The following CDH19 variants were observed in gnomAD, a reference collection of about 807,000 sequenced individuals.
The protein encoded by CDH19 is cadherin-19.
In CDH19, 67 loss-of-function variants were observed where a neutral mutation model predicts 64.2. The ratio of observed to expected loss-of-function variants is 1.04; its 90% confidence interval spans 0.86 to 1.28. The LOEUF (loss-of-function observed/expected upper bound fraction) is 1.28. Among genes scored for constraint, CDH19 ranks in the 50% most tolerant of loss-of-function variants. The pLI, the probability that CDH19 is intolerant of heterozygous loss-of-function variation, is 0.00. For synonymous variants in CDH19, 346 were observed against 319.3 expected, an observed-to-expected ratio of 1.08 and a Z score of -0.89; for missense variants, 1,030 against 929.0, an observed-to-expected ratio of 1.11 and a Z score of -1.41.
chr18:66,551,028 A>C, intron 5 of CDH19, 66 bp downstream of exon 5: 1 of 844,940 alleles, frequency 1.2e-6, no homozygotes, highest in Non-Finnish European at 1.8e-6. Context: ...AAAACTATAT[A>C]ATCTACTTAT....
chr18:66,563,108 A>G (rs2144552986), intron 3 of CDH19, among the ~76,000 whole-genome samples: 1 of 152,200 alleles, frequency 6.6e-6, no homozygotes, highest in Non-Finnish European at 1.5e-5. Flanking sequence ...AAATCATAAA[A>G]AGTGAAAAAT....
rs773390525 is a variant in CDH19 at position 66,551,082 on chromosome 18, C to A, written c.775+12G>T. The A allele has an allele frequency of 2.8e-6, 4 of 1,430,964 alleles. No homozygotes were observed. The Admixed American group carries it at 5.3e-5, about 19-fold the overall frequency. 88.6% of individuals were successfully genotyped at this position (1,430,964 alleles called of 1,614,324 possible). ...TATAATGTAATGAAGATGTAGAATC[C>A]TTTTTACTTACTTTCTTTAAATATA... is the stretch of plus-strand genomic sequence containing the variant. On this transcript the variant is annotated intron_variant, in intron 5 of 11. Coordinates refer to ENST00000262150, the MANE Select transcript of CDH19 (RefSeq NM_021153.4).
Position 66,553,150 on chromosome 18 carries a change from C to T in CDH19, c.610+1255G>A. ...TGGAATGTATGTGTGTATTACTATT[C>T]ATGTTTAATATCTATCTGTAAGTTC... On this transcript the variant is annotated intron_variant, in intron 4 of 11. Transcript: ENST00000262150. Among the ~76,000 whole-genome samples the T allele has an allele frequency of 1.5e-5, 2 of 134,350 alleles. 1 individual carries two copies. Among genetic ancestry groups the T allele is most frequent in the Non-Finnish European group, 3.0e-5 (2 of 65,714 alleles). The allele number at this position is 134,350 out of a possible 152,430, so 88.1% of individuals were successfully genotyped here.
rs555354347 is a variant in CDH19 at position 66,589,269 on chromosome 18, C to T, written c.-113+14685G>A. 1.9e-3 allele frequency among the ~76,000 whole-genome samples: 286 copies of T among 149,088 alleles called. 3 individuals carry two copies. The highest frequency in any genetic ancestry group is 5.8e-3 in the African/African-American group (237 of 40,926). On this transcript the variant is annotated intron_variant, in intron 1 of 11. Coordinates refer to ENST00000262150, the MANE Select transcript of CDH19 (RefSeq NM_021153.4). ...ATATATACATATATATATATACACA[C>T]ATATATATATATATCTGTAAAGGCA...
chr18:66,595,781 T>G (rs984704355), intron 1 of CDH19, among the ~76,000 whole-genome samples: 10 of 152,048 alleles, frequency 6.6e-5, no homozygotes, highest in Non-Finnish European at 1.5e-4. Context: ...ATTTCAAAAA[T>G]TTGAGGAGGA....
intron 3 of CDH19, among the ~76,000 whole-genome samples, chr18:66,558,180 A>T (rs1386502346): frequency 2.1e-5 from 3 of 142,504 alleles, no homozygotes; most frequent in South Asian, 2.2e-4. Context: ...TATATATATA[A>T]TATATATATT....
intron 1 of CDH19, among the ~76,000 whole-genome samples, chr18:66,584,879 A>G (rs375132741): frequency 2.0e-5 from 3 of 152,090 alleles, no homozygotes; most frequent in Non-Finnish European, 4.4e-5. Context: ...ACACTGTTTT[A>G]CTTCTAATAT....
chr18:66,553,935 C>G (rs1229539164), intron 4 of CDH19, among the ~76,000 whole-genome samples: 1 of 91,242 alleles, frequency 1.1e-5, no homozygotes, highest in Non-Finnish European at 2.0e-5. Context: ...TGTCTCATAT[C>G]AATGTGTACG....
At chr18:66,570,510 A>G (rs983170245) in intron 2 of CDH19, among the ~76,000 whole-genome samples, 2 of 151,746 alleles carry the variant, frequency 1.3e-5, no homozygotes, top group African/African-American at 4.8e-5. Flanking sequence ...ACTTAATTGT[A>G]CTTCCCAATC....
intron 7 of CDH19, among the ~76,000 whole-genome samples, chr18:66,537,149 T>C (rs895553684): frequency 1.3e-5 from 2 of 151,982 alleles, no homozygotes; most frequent in Non-Finnish European, 2.9e-5. Flanking sequence ...CTACAAACTA[T>C]AGTTGGATTT....
At chr18:66,594,714 A>G (rs1988835957) in intron 1 of CDH19, among the ~76,000 whole-genome samples, 1 of 151,632 alleles carries the variant, frequency 6.6e-6, no homozygotes, top group Admixed American at 6.6e-5. Flanking sequence ...AGGGACATGG[A>G]TGAAATTGGA....
At chr18:66,573,893 CCACACACA>C (rs140587493) in intron 1 of CDH19, among the ~76,000 whole-genome samples, 1 of 145,156 alleles carries the variant, frequency 6.9e-6, no homozygotes, top group Non-Finnish European at 1.5e-5. Flanking sequence ...ACCACTGAAG[CCACACACA>C]CACACACACA....
chr18:66,529,037 A>G (rs1170551005), intron 9 of CDH19, among the ~76,000 whole-genome samples: 2 of 152,028 alleles, frequency 1.3e-5, no homozygotes, highest in African/African-American at 2.4e-5. Flanking sequence ...ATTATGTACC[A>G]GAGCTTAGAA....
intron 1 of CDH19, among the ~76,000 whole-genome samples, chr18:66,599,375 A>G (rs1988984773): frequency 6.6e-6 from 1 of 152,088 alleles, no homozygotes; most frequent in Admixed American, 6.6e-5. Context: ...TAGAGGCATA[A>G]AGTAGACTGG....
intron 3 of CDH19, among the ~76,000 whole-genome samples, chr18:66,567,515 G>T (rs1375173038): frequency 6.6e-6 from 1 of 151,720 alleles, no homozygotes; most frequent in Non-Finnish European, 1.5e-5. Context: ...AAAGACCTAT[G>T]TTCCAAACAA....
intron 1 of CDH19, among the ~76,000 whole-genome samples, chr18:66,600,038 T>A (rs1421900869): frequency 6.6e-6 from 1 of 151,940 alleles, no homozygotes; most frequent in Non-Finnish European, 1.5e-5. Flanking sequence ...TAAAGATAGA[T>A]AGGATATCTT....
intron 2 of CDH19, among the ~76,000 whole-genome samples, chr18:66,568,980 A>G (rs1988013213): frequency 6.6e-6 from 1 of 151,688 alleles, no homozygotes; most frequent in Admixed American, 6.6e-5. Context: ...TTCTTTTGTA[A>G]GTTATGCACA....
At position 66,572,121 on chromosome 18, in the gene CDH19, T is replaced by C; in HGVS notation, c.84A>G (p.Thr28=). The C allele has an allele frequency of 6.2e-7, 1 of 1,611,438 alleles. No individual in the cohort carries two copies. Among genetic ancestry groups the C allele is most frequent in the Non-Finnish European group, 8.5e-7 (1 of 1,178,302 alleles). Reference sequence around the variant, plus strand: ...ATCGCACTGGCTGCTTGACTTTCTTTGTTTGAGAGTTTTCTGTTGCTCCAA... The same window carrying C: ...ATCGCACTGGCTGCTTGACTTTCTTCGTTTGAGAGTTTTCTGTTGCTCCAA... ...PCLGATENSQ[T]KKVKQPVRSH... is the part of the protein sequence containing the mutation. Residue 28 remains threonine (T), a synonymous_variant, in exon 2 of 12, where the codon ACA becomes ACG. Coordinates refer to ENST00000262150, the MANE Select transcript of CDH19 (RefSeq NM_021153.4).
chr18:66,576,808 A>G lies in CDH19; in HGVS notation c.-112-4492T>C, dbSNP rs1366312379. On this transcript the variant is annotated intron_variant, in intron 1 of 11. Transcript: ENST00000262150. ...ATTTACACAGGGCATAAATACACAT[A>G]TAGAAAATCTTATGAAATCTATAAA... Among the ~76,000 whole-genome samples the G allele has an allele frequency of 2.0e-5, 3 of 151,732 alleles. No individual in the cohort carries two copies. In the East Asian group the frequency reaches 5.8e-4, roughly 29 times the overall value.
Sources: allele counts gnomAD v4.1 joint callset (sites outside exome capture counted in the v4.1 genomes callset), GRCh38; gene constraint gnomAD v4.1.1; transcripts MANE v1.5; gene names NCBI Gene and HGNC (gene_info 2026-07-23, HGNC 2026-07-21).